Variants in PCDHA2 observed in about 807,000 individuals in gnomAD.
PCDHA2 encodes protocadherin alpha 2.
In PCDHA2, 58 loss-of-function variants were observed where a neutral mutation model predicts 66.0. The observed-to-expected ratio is 0.88, with a 90% CI of 0.71 to 1.09. The LOEUF (loss-of-function observed/expected upper bound fraction) is 1.09, where lower values mean the gene tolerates loss of function less well. PCDHA2 is among the 50% of genes least tolerant of loss of function. The pLI is 0.00. For missense variants in PCDHA2, 1,267 were observed against 1,242.3 expected, an observed-to-expected ratio of 1.02 and a Z score of -0.30; for synonymous variants, 634 against 554.0, an observed-to-expected ratio of 1.14 and a Z score of -2.03.
intron 1 of PCDHA2, among the ~76,000 whole-genome samples, chr5:140,920,730 G>A (rs902169780): frequency 6.6e-6 from 1 of 152,058 alleles, no homozygotes; most frequent in Non-Finnish European, 1.5e-5. Context: ...TGCAGTCCCA[G>A]CTACTCAGGA....
intron 3 of PCDHA2, among the ~76,000 whole-genome samples, chr5:140,991,890 T>A (rs1192590580): frequency 1.3e-5 from 2 of 152,192 alleles, no homozygotes; most frequent in Non-Finnish European, 2.9e-5. Context: ...CCATAACAAA[T>A]TAACACAAAA....
At chr5:140,977,513 A>G (rs1378316611) in intron 1 of PCDHA2, among the ~76,000 whole-genome samples, 2 of 152,236 alleles carry the variant, frequency 1.3e-5, no homozygotes, top group African/African-American at 4.8e-5. Context: ...GCATTTTGTG[A>G]ACTTGAAAAC....
intron 1 of PCDHA2, among the ~76,000 whole-genome samples, chr5:140,900,673 A>G (rs936784929): frequency 3.3e-5 from 5 of 152,210 alleles, no homozygotes; most frequent in African/African-American, 1.2e-4. Flanking sequence ...GAGTGCAGTT[A>G]TCTCTTCAAT....
At chr5:140,941,209 T>TCC (rs59604197) in intron 1 of PCDHA2, among the ~76,000 whole-genome samples, 12 of 126,888 alleles carry the variant, frequency 9.5e-5, no homozygotes, top group Admixed American at 4.0e-4. Flanking sequence ...CTTCCTTTCT[T>TCC]TCTTCCTTTC....
intron 1 of PCDHA2, chr5:140,852,775 T>G (rs1554146101): frequency 1.0e-6 from 1 of 980,592 alleles, no homozygotes; most frequent in African/African-American, 1.8e-5. Context: ...TTATTTGATG[T>G]GAATAGAGGG....
intron 1 of PCDHA2, chr5:140,857,757 G>C (rs782736508): frequency 6.3e-7 from 1 of 1,597,402 alleles, no homozygotes; most frequent in Non-Finnish European, 8.6e-7. Flanking sequence ...TCTCCCGCTG[G>C]CAGCGCGGGC....
At chr5:140,944,385 C>T (rs1273075803) in intron 1 of PCDHA2, among the ~76,000 whole-genome samples, 4 of 152,092 alleles carry the variant, frequency 2.6e-5, no homozygotes, top group Non-Finnish European at 5.9e-5. Flanking sequence ...TGGAGTCTCA[C>T]TGTGTTATCC....
At chr5:140,830,195 A>G (rs2150182609) in intron 1 of PCDHA2, 2 of 1,613,696 alleles carry the variant, frequency 1.2e-6, no homozygotes, top group Non-Finnish European at 1.7e-6. Flanking sequence ...GTACCTGATC[A>G]TCGCCATCTG....
intron 1 of PCDHA2, chr5:140,875,498 C>A (rs782226561): frequency 1.9e-6 from 3 of 1,613,292 alleles, no homozygotes; most frequent in East Asian, 4.5e-5. Flanking sequence ...CCAAGAGGCC[C>A]GGGATCCCAG....
rs577022008 is a variant in PCDHA2, at chr5:140,921,827, C to T, written c.2389-57122C>T. Among the ~76,000 whole-genome samples, 6 of 151,924 alleles carry T rather than the reference C, an allele frequency of 3.9e-5. No homozygotes were observed. In the South Asian group the frequency reaches 1.2e-3, roughly 32 times the overall value. On this transcript the variant is annotated intron_variant, in intron 1 of 3. Coordinates refer to ENST00000526136, the MANE Select transcript of PCDHA2 (RefSeq NM_018905.3). Reference sequence around the variant, plus strand: ...TAAGATACATGTGTGAATATCTATACACATATAGACATATTTATAGATGTG... The same window carrying T: ...TAAGATACATGTGTGAATATCTATATACATATAGACATATTTATAGATGTG...
chr5:140,894,446 T>A (rs981858089), intron 1 of PCDHA2, among the ~76,000 whole-genome samples: 18 of 152,000 alleles, frequency 1.2e-4, no homozygotes, highest in African/African-American at 3.4e-4. Context: ...AGCTCTTTTT[T>A]AAAAAATATT....
At chr5:140,897,471 G>A (rs1260992963) in intron 1 of PCDHA2, among the ~76,000 whole-genome samples, 3 of 151,810 alleles carry the variant, frequency 2.0e-5, no homozygotes, top group Non-Finnish European at 4.4e-5. Flanking sequence ...AGTTTACTGA[G>A]AATGATGATT....
intron 1 of PCDHA2, chr5:140,850,085 G>A: frequency 1.3e-6 from 2 of 1,596,624 alleles, no homozygotes; most frequent in Non-Finnish European, 1.7e-6. Flanking sequence ...AGCTGGAGCT[G>A]CTACAGTTCC....
intron 1 of PCDHA2, chr5:140,863,570 G>A (rs912173891): frequency 1.9e-5 from 7 of 370,768 alleles, no homozygotes; most frequent in South Asian, 4.2e-5. Flanking sequence ...GAGAATATAA[G>A]TACTGTAATC....
chr5:140,915,838 A>AG (rs1359061531), intron 1 of PCDHA2, among the ~76,000 whole-genome samples: 1 of 152,154 alleles, frequency 6.6e-6, no homozygotes, highest in Admixed American at 6.5e-5. Flanking sequence ...TAAGATCAGC[A>AG]GGGGGTGACA....
rs782782390 is a variant in PCDHA2 at position 140,856,337 on chromosome 5, C to T, written c.2388+58985C>T. 2.5e-6 allele frequency: 4 copies of T among 1,598,496 alleles called. 1 individual carries two copies. The Admixed American group carries it at 5.1e-5, about 20-fold the overall frequency. On this transcript the variant is annotated intron_variant, in intron 1 of 3. Transcript: ENST00000526136. ...GATTGACCGCGAGGAGCTGTGCGGG[C>T]GGAGCGTGGAGTGCAGCATCCACCT...
chr5:140,835,058 C>G, intron 1 of PCDHA2: 1 of 1,218,396 alleles, frequency 8.2e-7, no homozygotes, highest in Non-Finnish European at 1.1e-6. Flanking sequence ...TGACTGGCAC[C>G]GTTCAATTAC....
intron 1 of PCDHA2, among the ~76,000 whole-genome samples, chr5:140,840,888 C>T (rs1776926383): frequency 1.3e-5 from 2 of 151,946 alleles, no homozygotes; most frequent in South Asian, 4.2e-4. Flanking sequence ...TTTCTGATAT[C>T]CATGACATAC....
intron 1 of PCDHA2, chr5:140,827,959 T>C: frequency 7.6e-7 from 1 of 1,307,212 alleles, no homozygotes; most frequent in Non-Finnish European, 1.1e-6. Flanking sequence ...AAATTTCTTC[T>C]ATTACTGCAT....
Sources: gnomAD v4.1 joint callset for allele counts (sites outside exome capture counted in the v4.1 genomes callset) on GRCh38, gnomAD v4.1.1 for gene constraint, MANE v1.5 for transcripts, NCBI Gene and HGNC (gene_info 2026-07-23, HGNC 2026-07-21) for gene names.